The following RNF2 variants were observed in gnomAD, a reference collection of about 807,000 sequenced individuals.
RNF2 encodes the protein ring finger protein 2.
Under a neutral mutation model 37.2 loss-of-function variants are expected in RNF2, and 6 were observed. The ratio of observed to expected loss-of-function variants is 0.16; its 90% CI spans 0.09 to 0.32. The LOEUF (loss-of-function observed/expected upper bound fraction) is 0.32. Among genes scored for constraint, RNF2 ranks in the 10% least tolerant of loss-of-function variants. The pLI is 1.00. For missense variants in RNF2, 251 were observed against 404.0 expected (o/e 0.62, Z 3.25); for synonymous variants, 133 against 132.7 (o/e 1.00, Z -0.02).
intron 1 of RNF2, among the ~76,000 whole-genome samples, chr1:185,085,962 CT>C (rs1368098172): frequency 6.6e-6 from 1 of 152,136 alleles, no homozygotes; most frequent in African/African-American, 2.4e-5. Flanking sequence ...CTGTTTAAAA[CT>C]TTTAGTATCT....
chr1:185,055,603 T>G (rs1318415724), intron 1 of RNF2, among the ~76,000 whole-genome samples: 2 of 152,078 alleles, frequency 1.3e-5, no homozygotes, highest in Non-Finnish European at 2.9e-5. Context: ...TGAGTAGAGT[T>G]GAGGTTTCAC....
intron 1 of RNF2, among the ~76,000 whole-genome samples, chr1:185,082,696 G>A (rs973933544): frequency 2.0e-5 from 3 of 152,056 alleles, no homozygotes; most frequent in Non-Finnish European, 2.9e-5. Flanking sequence ...CTGTACGTTC[G>A]TTAGCAGTTC....
intron 3 of RNF2, 151 bp downstream of exon 3, chr1:185,091,890 A>G: frequency 1.6e-6 from 1 of 623,194 alleles, no homozygotes; most frequent in Non-Finnish European, 2.6e-6. Flanking sequence ...ATCTTGGCTC[A>G]CTGCAACCTC....
intron 1 of RNF2, among the ~76,000 whole-genome samples, chr1:185,053,079 C>A (rs971174045): frequency 4.6e-5 from 7 of 152,110 alleles, no homozygotes; most frequent in Non-Finnish European, 1.0e-4. Flanking sequence ...ATGACATAGT[C>A]CACATTTGAA....
intron 1 of RNF2, among the ~76,000 whole-genome samples, chr1:185,079,397 A>G (rs139741360): frequency 1.6e-4 from 25 of 152,302 alleles, no homozygotes; most frequent in African/African-American, 6.0e-4. Flanking sequence ...AAACTTGGAA[A>G]TAGGTCAGTT....
Position 185,045,580 on chromosome 1 carries a change from T to A in RNF2, c.-72T>A, listed in dbSNP as rs1175136574. ...GCCATATTGTGCGGCGGCGCCGGCG[T>A]CCGCGGCAGCTGATACCAGAGTCTT... On this transcript the variant is annotated 5_prime_UTR_variant, in exon 1 of 7. Transcript: ENST00000367510. The A allele has an allele frequency of 6.6e-6, 1 of 152,268 alleles. No individual in the cohort carries two copies. The highest frequency in any genetic ancestry group is 1.5e-5 in the Non-Finnish European group (1 of 68,222). The allele number at this position is 152,268 out of a possible 1,614,324, so 9.4% of individuals were successfully genotyped here. A position where few individuals can be genotyped will look rare whatever the true frequency, so the allele number is the denominator to read the frequency against.
intron 1 of RNF2, among the ~76,000 whole-genome samples, chr1:185,068,972 C>T (rs7519019): frequency 0.46 from 69,925 of 151,912 alleles, 17,773 homozygotes; most frequent in African/African-American, 0.69. Context: ...CAAAATGTTA[C>T]ATTTAAAGTT....
In RNF2 at chr1:185,100,405, T is replaced by C; in HGVS notation, c.*104T>C. 1 of 646,462 alleles carries C rather than the reference T, an allele frequency of 1.5e-6. No homozygotes were observed. The highest frequency in any genetic ancestry group is 2.5e-6 in the Non-Finnish European group (1 of 395,832). 40.0% of individuals were successfully genotyped at this position (646,462 alleles called of 1,614,324 possible). On this transcript the variant is annotated 3_prime_UTR_variant, in exon 7 of 7. Transcript: ENST00000367510. ...TATGGACAGATCTTGGATATGTTGTTCAATTTTCTTTCTGAGCCAGACTAG... is the reference window on the plus strand; with the variant it reads ...TATGGACAGATCTTGGATATGTTGTCCAATTTTCTTTCTGAGCCAGACTAG...
chr1:185,047,699 C>T (rs930117824), intron 1 of RNF2, among the ~76,000 whole-genome samples: 4 of 152,234 alleles, frequency 2.6e-5, no homozygotes, highest in African/African-American at 9.6e-5. Context: ...TCTAGTATGA[C>T]TTAAAGCGCT....
At chr1:185,073,583 T>C (rs1444920332) in intron 1 of RNF2, among the ~76,000 whole-genome samples, 1 of 152,220 alleles carries the variant, frequency 6.6e-6, no homozygotes, top group Admixed American at 6.5e-5. Flanking sequence ...AAAGGACACA[T>C]AAATGTGATT....
rs568158410 is a variant in RNF2 at position 185,100,313 on chromosome 1, C to T, written c.*12C>T. 3 of 1,577,382 alleles carry T rather than the reference C, an allele frequency of 1.9e-6. No homozygotes were observed. Among genetic ancestry groups the T allele is most frequent in the South Asian group, 2.3e-5 (2 of 85,158 alleles). On this transcript the variant is annotated 3_prime_UTR_variant, in exon 7 of 7. Transcript: ENST00000367510. ...AGGAGCACAAATGAGCCTTTAAAAA[C>T]CAATTCTGAGACTGAACTTTTTTAT...
intron 1 of RNF2, among the ~76,000 whole-genome samples, chr1:185,077,762 A>T: frequency 7.2e-6 from 1 of 138,614 alleles, no homozygotes; most frequent in Non-Finnish European, 1.6e-5. Context: ...TTTTATAGTG[A>T]TTATTTTCCC....
At chr1:185,046,177 G>C (rs1208900135) in intron 1 of RNF2, 2 of 152,382 alleles carry the variant, frequency 1.3e-5, no homozygotes, top group Non-Finnish European at 2.9e-5. Context: ...GTCGGAGTCG[G>C]GGTTCCAGTG....
intron 1 of RNF2, among the ~76,000 whole-genome samples, chr1:185,073,639 C>G (rs1296956744): frequency 6.6e-6 from 1 of 152,070 alleles, no homozygotes; most frequent in Admixed American, 6.5e-5. Flanking sequence ...GCATATTATA[C>G]TGTGGTTCTA....
intron 4 of RNF2, among the ~76,000 whole-genome samples, chr1:185,094,797 C>G (rs1366123750): frequency 2.0e-5 from 3 of 152,204 alleles, no homozygotes; most frequent in African/African-American, 7.2e-5. Flanking sequence ...ATCTTCTTTT[C>G]CTCTCTGACA....
At position 185,087,494 on chromosome 1, in the gene RNF2, G is replaced by GACC. The variant is rs1485200765; in HGVS notation, c.-2-56_-2-54dup. ...AATTTTGGTGGGACACATACATTCAGACCATAGCACTTCCCTTCCAAATAC... is the reference window on the plus strand; with the variant it reads ...AATTTTGGTGGGACACATACATTCAGACCACCATAGCACTTCCCTTCCAAATAC... On this transcript the variant is annotated intron_variant, in intron 1 of 6. Coordinates refer to ENST00000367510, the MANE Select transcript of RNF2 (RefSeq NM_007212.4). The GACC allele has an allele frequency of 7.1e-6, 10 of 1,415,540 alleles. No homozygotes were observed. The Admixed American group carries it at 1.7e-4, about 24-fold the overall frequency. 87.7% of individuals were successfully genotyped at this position (1,415,540 alleles called of 1,614,324 possible).
At chr1:185,079,064 A>G (rs1456063613) in intron 1 of RNF2, among the ~76,000 whole-genome samples, 1 of 146,772 alleles carries the variant, frequency 6.8e-6, no homozygotes, top group Non-Finnish European at 1.5e-5. Flanking sequence ...ACGGTCTACT[A>G]TGACTAGATC....
At chr1:185,094,176 G>A (rs1186644281) in intron 4 of RNF2, among the ~76,000 whole-genome samples, 2 of 150,550 alleles carry the variant, frequency 1.3e-5, no homozygotes, top group Non-Finnish European at 3.0e-5. Context: ...GAGTCTTGCT[G>A]TGTCACCCAG....
chr1:185,071,242 C>T (rs948410546), intron 1 of RNF2, among the ~76,000 whole-genome samples: 1 of 152,102 alleles, frequency 6.6e-6, no homozygotes, highest in Non-Finnish European at 1.5e-5. Context: ...TGGTTTTTAT[C>T]CTTGTCTTCT....
Sources: gnomAD v4.1 joint callset for allele counts (sites outside exome capture counted in the v4.1 genomes callset) on GRCh38, gnomAD v4.1.1 for gene constraint, MANE v1.5 for transcripts, NCBI Gene and HGNC (gene_info 2026-07-23, HGNC 2026-07-21) for gene names.